Variants in TASP1 observed in about 807,000 individuals in gnomAD.
The protein encoded by TASP1 is threonine aspartase 1.
Under a neutral mutation model 56.6 loss-of-function variants are expected in TASP1, and 16 were observed. That is an observed-to-expected ratio of 0.28 (90% CI 0.19 to 0.43). The LOEUF (loss-of-function observed/expected upper bound fraction) is 0.43, where lower values mean the gene tolerates loss of function less well. TASP1 is among the 20% of genes least tolerant of loss of function. TASP1 has a pLI of 1.00. For missense variants in TASP1, 393 were observed against 511.6 expected, an observed-to-expected ratio of 0.77 and a Z score of 2.24; for synonymous variants, 179 against 184.2, an observed-to-expected ratio of 0.97 and a Z score of 0.23.
chr20:13,403,193 ATTAAC>A (rs2041802315), intron 13 of TASP1, among the ~76,000 whole-genome samples: 2 of 146,110 alleles, frequency 1.4e-5, no homozygotes, highest in African/African-American at 5.6e-5. Flanking sequence ...CAGCTGGCTT[ATTAAC>A]TTATTAACAT....
chr20:13,415,984 A>G (rs2042241247), intron 13 of TASP1, among the ~76,000 whole-genome samples: 1 of 152,216 alleles, frequency 6.6e-6, no homozygotes, highest in Non-Finnish European at 1.5e-5. Flanking sequence ...TTTGTCACTG[A>G]GAAGAAATGA....
At chr20:13,508,025 G>A (rs566403049) in intron 10 of TASP1, among the ~76,000 whole-genome samples, 16 of 151,926 alleles carry the variant, frequency 1.1e-4, no homozygotes, top group South Asian at 4.2e-4. Flanking sequence ...GAATATCTAC[G>A]TGCAAAAAAT....
the TASP1 span, among the ~76,000 whole-genome samples, chr20:13,327,994 G>C: frequency 4.6e-5 from 7 of 152,086 alleles, no homozygotes; most frequent in African/African-American, 1.4e-4. Flanking sequence ...CACAGCAAAA[G>C]AAACTATCAT....
intron 7 of TASP1, among the ~76,000 whole-genome samples, chr20:13,564,227 A>G (rs2147103385): frequency 6.6e-6 from 1 of 152,282 alleles, no homozygotes; most frequent in Non-Finnish European, 1.5e-5. Context: ...AGAACTAATA[A>G]ATTCAGCAAA....
the TASP1 span, among the ~76,000 whole-genome samples, chr20:13,303,223 C>A: frequency 6.6e-6 from 1 of 152,208 alleles, no homozygotes; most frequent in Admixed American, 6.5e-5. Context: ...CCTGTGCTCT[C>A]CTCTCCTCCT....
intron 11 of TASP1, among the ~76,000 whole-genome samples, chr20:13,474,031 G>A (rs1363147570): frequency 5.3e-5 from 8 of 152,144 alleles, no homozygotes; most frequent in African/African-American, 1.2e-4. Context: ...AGCTATGATC[G>A]TGCTACTGCA....
the TASP1 span, among the ~76,000 whole-genome samples, chr20:13,303,665 C>T: frequency 6.6e-6 from 1 of 152,208 alleles, no homozygotes; most frequent in Non-Finnish European, 1.5e-5. Context: ...CACTTGCCTG[C>T]TGGGAGTTGT....
intron 4 of TASP1, among the ~76,000 whole-genome samples, chr20:13,606,425 C>G (rs932799115): frequency 2.2e-4 from 33 of 152,034 alleles, no homozygotes; most frequent in Admixed American, 2.0e-3. Context: ...TTTTATTTTT[C>G]TTTATGGCAC....
the TASP1 span, among the ~76,000 whole-genome samples, chr20:13,218,116 G>A: frequency 1.3e-5 from 2 of 151,918 alleles, no homozygotes; most frequent in African/African-American, 4.8e-5. Context: ...CCAGGCGTGG[G>A]GGCAGGATTC....
chr20:13,280,799 T>C, the TASP1 span, among the ~76,000 whole-genome samples: 2 of 152,194 alleles, frequency 1.3e-5, no homozygotes, highest in Non-Finnish European at 2.9e-5. Context: ...GTATTCTCTG[T>C]GTGTCCAAGA....
At chr20:13,422,247 T>G (rs576150967) in intron 12 of TASP1, among the ~76,000 whole-genome samples, 2 of 152,270 alleles carry the variant, frequency 1.3e-5, no homozygotes, top group South Asian at 2.1e-4. Context: ...TATTTACTTA[T>G]TTATTTAGAA....
At chr20:13,365,650 A>T in the TASP1 span, among the ~76,000 whole-genome samples, 1 of 152,182 alleles carries the variant, frequency 6.6e-6, no homozygotes, top group Non-Finnish European at 1.5e-5. Context: ...CGCAGTGGCG[A>T]GGGGAGAGCT....
chr20:13,545,550 GTTTAAC>G (rs1483771482), intron 8 of TASP1, among the ~76,000 whole-genome samples: 3 of 152,162 alleles, frequency 2.0e-5, no homozygotes, highest in Admixed American at 6.6e-5. Context: ...TCTGCAGACA[GTTTAAC>G]TTTATCAACT....
chr20:13,370,627 G>A, the TASP1 span, among the ~76,000 whole-genome samples: 2 of 152,160 alleles, frequency 1.3e-5, no homozygotes, highest in African/African-American at 2.4e-5. Context: ...CCATGTTGAT[G>A]TCCTAAGCCC....
the TASP1 span, among the ~76,000 whole-genome samples, chr20:13,338,452 T>TA: frequency 6.6e-6 from 1 of 152,184 alleles, no homozygotes; most frequent in Non-Finnish European, 1.5e-5. Flanking sequence ...ATCCTGTGAC[T>TA]TAGAATGCCT....
At chr20:13,376,806 T>C in the TASP1 span, among the ~76,000 whole-genome samples, 1 of 152,178 alleles carries the variant, frequency 6.6e-6, no homozygotes. Context: ...CCCTTGTAAG[T>C]TGTATTTCTA....
the TASP1 span, among the ~76,000 whole-genome samples, chr20:13,237,002 C>T: frequency 6.6e-6 from 1 of 152,188 alleles, no homozygotes; most frequent in Admixed American, 6.5e-5. Flanking sequence ...GACAGTGGCC[C>T]TCTTCTCACA....
chr20:13,221,436 T>G, the TASP1 span, among the ~76,000 whole-genome samples: 1 of 123,564 alleles, frequency 8.1e-6, no homozygotes, highest in African/African-American at 2.8e-5. Context: ...CCGGCCCGGG[T>G]CCCGGGCTGT....
the TASP1 span, among the ~76,000 whole-genome samples, chr20:13,155,483 C>T: frequency 6.6e-6 from 1 of 152,182 alleles, no homozygotes; most frequent in African/African-American, 2.4e-5. Context: ...ACAGATTCTT[C>T]AGAGTATGCT....
Sources: allele counts gnomAD v4.1 joint callset (sites outside exome capture counted in the v4.1 genomes callset), GRCh38; gene constraint gnomAD v4.1.1; transcripts MANE v1.5; gene names NCBI Gene and HGNC (gene_info 2026-07-23, HGNC 2026-07-21).